The following NEXMIF variants were observed in gnomAD, a reference collection of about 807,000 sequenced individuals.
NEXMIF encodes the protein XLMR protein related to neurite extension.
Under a neutral mutation model 62.1 loss-of-function variants are expected in NEXMIF, and 8 were observed. That is an observed-to-expected ratio of 0.13 (90% CI 0.08 to 0.23). The LOEUF (loss-of-function observed/expected upper bound fraction) is 0.23. NEXMIF is among the 10% of genes least tolerant of loss of function. The pLI is 1.00. For missense variants in NEXMIF, 976 were observed against 1,113.3 expected, an observed-to-expected ratio of 0.88 and a Z score of 1.75; for synonymous variants, 404 against 416.6, an observed-to-expected ratio of 0.97 and a Z score of 0.37.
chrX:74,889,436 AC>A (rs1156581246), intron 1 of NEXMIF, among the ~76,000 whole-genome samples: 4 of 111,989 alleles, frequency 3.6e-5, no homozygotes, highest in African/African-American at 1.3e-4. Context: ...TGTTTCGCAA[AC>A]CTTAGAAAAC....
intron 1 of NEXMIF, among the ~76,000 whole-genome samples, chrX:74,838,274 A>T (rs2080463534): frequency 9.0e-6 from 1 of 111,696 alleles, no homozygotes; most frequent in Non-Finnish European, 1.9e-5. Context: ...ACTACCCTGA[A>T]CTTGGGGAAA....
intron 1 of NEXMIF, among the ~76,000 whole-genome samples, chrX:74,891,794 G>A (rs1401169109): frequency 8.9e-6 from 1 of 111,774 alleles, no homozygotes; most frequent in Non-Finnish European, 1.9e-5. Flanking sequence ...GACTAGAGAG[G>A]CCAGGGCTTC....
intron 1 of NEXMIF, among the ~76,000 whole-genome samples, chrX:74,904,735 T>C (rs944429844): frequency 2.7e-5 from 3 of 111,340 alleles, no homozygotes; most frequent in Admixed American, 9.7e-5. Flanking sequence ...CCGCTCTTTT[T>C]TTCCTTGGAA....
intron 1 of NEXMIF, among the ~76,000 whole-genome samples, chrX:74,755,301 G>A (rs777526378): frequency 8.9e-6 from 1 of 111,848 alleles, no homozygotes; most frequent in East Asian, 2.8e-4. Flanking sequence ...ATGCCATGAG[G>A]AAAACAGAAG....
At chrX:74,914,359 C>T (rs1056456982) in intron 1 of NEXMIF, among the ~76,000 whole-genome samples, 5 of 111,770 alleles carry the variant, frequency 4.5e-5, no homozygotes, top group Non-Finnish European at 9.4e-5. Flanking sequence ...AACTTATGTT[C>T]ACACAAAAAT....
chrX:74,740,180 A>T lies in NEXMIF; in HGVS notation c.4377T>A (p.Asp1459Glu), dbSNP rs760172736. Residue 1459 changes from aspartate (D) to glutamate (E), a missense_variant, in exon 3 of 4, where the codon GAT becomes GAA. Physicochemically the swap from Asp to Glu is conservative, Grantham distance 45. Transcript: ENST00000055682. ...RHKSSSKALR[D>E]EKCKGKHMER... Reference sequence around the variant, plus strand: ...CCATGTGCTTTCCCTTACATTTCTCATCTCTCAGGGCCTTGGAGCTGGATT... The same window carrying T: ...CCATGTGCTTTCCCTTACATTTCTCTTCTCTCAGGGCCTTGGAGCTGGATT... 1 of 1,206,313 alleles carries T rather than the reference A, an allele frequency of 8.3e-7. No individual in the cohort carries two copies. Among genetic ancestry groups the T allele is most frequent in the South Asian group, 1.8e-5 (1 of 56,675 alleles).
chrX:74,885,612 C>G (rs2080688950), intron 1 of NEXMIF, among the ~76,000 whole-genome samples: 1 of 111,657 alleles, frequency 9.0e-6, no homozygotes, highest in Admixed American at 9.5e-5. Context: ...AGTTGAATCT[C>G]TGAATAGACC....
chrX:74,761,995 T>C, intron 1 of NEXMIF, among the ~76,000 whole-genome samples: 1 of 111,541 alleles, frequency 9.0e-6, no homozygotes, highest in Admixed American at 9.6e-5. Flanking sequence ...CTTTAAGTTC[T>C]AGGGTACATG....
chrX:74,857,828 T>C (rs979378178), intron 1 of NEXMIF, among the ~76,000 whole-genome samples: 2 of 111,517 alleles, frequency 1.8e-5, no homozygotes, highest in Non-Finnish European at 3.8e-5. Flanking sequence ...CACAAGCTGA[T>C]TGAAGAGCCC....
intron 1 of NEXMIF, among the ~76,000 whole-genome samples, chrX:74,831,322 T>C (rs1411062135): frequency 9.2e-6 from 1 of 108,448 alleles, no homozygotes; most frequent in Admixed American, 9.9e-5. Flanking sequence ...TACGTATATC[T>C]CCTAATGCTA....
chrX:74,800,638 A>G (rs910821739), intron 1 of NEXMIF, among the ~76,000 whole-genome samples: 21 of 110,728 alleles, frequency 1.9e-4, no homozygotes, highest in African/African-American at 6.6e-4. Context: ...TTGTCTTTCC[A>G]TAATGTATCA....
Position 74,738,857 on chromosome X carries a change from TACACACAC to T in NEXMIF, c.*540_*547del, listed in dbSNP as rs756639327. The stretch of plus-strand genomic sequence containing the variant: ...GTGTATATATATATATACATATATA[TACACACAC>T]ACACACACACACAAACATATACATA... On this transcript the variant is annotated 3_prime_UTR_variant, in exon 4 of 4. Transcript: ENST00000055682. 4 of 105,266 alleles carry T rather than the reference TACACACAC, an allele frequency of 3.8e-5. No homozygotes were observed. The highest frequency in any genetic ancestry group is 4.1e-4 in the South Asian group (1 of 2,446). 8.7% of individuals were successfully genotyped at this position (105,266 alleles called of 1,213,427 possible).
chrX:74,883,588 T>A (rs369833681), intron 1 of NEXMIF, among the ~76,000 whole-genome samples: 1 of 110,567 alleles, frequency 9.0e-6, no homozygotes, highest in East Asian at 2.8e-4. Flanking sequence ...TGAAGAGAAG[T>A]TTAGAGAAAA....
chrX:74,758,684 G>A (rs1487606427), intron 1 of NEXMIF, among the ~76,000 whole-genome samples: 2 of 111,466 alleles, frequency 1.8e-5, no homozygotes, highest in African/African-American at 6.5e-5. Flanking sequence ...TCCTGCACTA[G>A]ATTGCTAAGA....
intron 1 of NEXMIF, among the ~76,000 whole-genome samples, chrX:74,777,877 A>G (rs1031749067): frequency 4.5e-5 from 5 of 111,587 alleles, no homozygotes; most frequent in African/African-American, 1.6e-4. Flanking sequence ...CCCAAAAAGC[A>G]TTACTGAAAC....
chrX:74,795,247 C>A (rs1443251091), intron 1 of NEXMIF, among the ~76,000 whole-genome samples: 1 of 112,234 alleles, frequency 8.9e-6, no homozygotes, highest in Non-Finnish European at 1.9e-5. Flanking sequence ...TCTCTAGCAA[C>A]TTTATTCCTA....
intron 1 of NEXMIF, among the ~76,000 whole-genome samples, chrX:74,824,921 TACAGG>T (rs2147481097): frequency 9.0e-6 from 1 of 111,333 alleles, no homozygotes; most frequent in South Asian, 3.8e-4. Flanking sequence ...GTGCTGGGAT[TACAGG>T]TATAAGCCCC....
intron 1 of NEXMIF, among the ~76,000 whole-genome samples, chrX:74,885,219 G>C (rs2080686240): frequency 9.0e-6 from 1 of 110,850 alleles, no homozygotes; most frequent in Non-Finnish European, 1.9e-5. Flanking sequence ...TGACACTCTA[G>C]CATCACAATT....
In NEXMIF at chrX:74,889,432, G is replaced by A. The variant is rs138385419; in HGVS notation, c.-48+35451C>T. On this transcript the variant is annotated intron_variant, in intron 1 of 3. Coordinates refer to ENST00000055682, the MANE Select transcript of NEXMIF (RefSeq NM_001008537.3). ...CTCTAAATTTCAGTAATAGTGTTTCGCAAACCTTAGAAAACTTTTTATTTA... is the reference window on the plus strand; with the variant it reads ...CTCTAAATTTCAGTAATAGTGTTTCACAAACCTTAGAAAACTTTTTATTTA... Among the ~76,000 whole-genome samples, 653 of 111,626 alleles carry A rather than the reference G, an allele frequency of 5.8e-3. 4 individuals carry two copies. The highest frequency in any genetic ancestry group is 0.02 in the African/African-American group (616 of 30,784).
Sources: allele counts gnomAD v4.1 joint callset (sites outside exome capture counted in the v4.1 genomes callset), GRCh38; gene constraint gnomAD v4.1.1; transcripts MANE v1.5; gene names NCBI Gene and HGNC (gene_info 2026-07-23, HGNC 2026-07-21).